ITGB1: variants seen among roughly 807,000 people sequenced by gnomAD.
ITGB1 encodes the protein integrin subunit beta 1.
In ITGB1, 24 loss-of-function variants were observed where a neutral mutation model predicts 86.5. That is an observed-to-expected ratio of 0.28 (90% confidence interval 0.20 to 0.39). The LOEUF is 0.39. Among genes scored for constraint, ITGB1 ranks in the 10% least tolerant of loss-of-function variants. The pLI is 1.00. For missense variants in ITGB1, 556 were observed against 946.9 expected (o/e 0.59, Z 5.42); for synonymous variants, 323 against 316.8 (o/e 1.02, Z -0.21).
intron 1 of ITGB1, among the ~76,000 whole-genome samples, chr10:32,949,804 T>C (rs969224948): frequency 5.9e-5 from 9 of 152,194 alleles, no homozygotes; most frequent in Admixed American, 4.6e-4. Context: ...TACACACTCA[T>C]TATTTATTAA....
intron 2 of ITGB1, among the ~76,000 whole-genome samples, chr10:32,934,267 G>T (rs932157672): frequency 6.6e-6 from 1 of 152,052 alleles, no homozygotes; most frequent in Non-Finnish European, 1.5e-5. Flanking sequence ...TACTGAACAT[G>T]TACATACTTT....
chr10:32,907,222 C>CT (rs578057365), intron 15 of ITGB1: 228 of 437,380 alleles, frequency 5.2e-4, no homozygotes, highest in South Asian at 1.2e-3. Flanking sequence ...CTATAAATGT[C>CT]TTTTTTTTTA....
intron 5 of ITGB1, among the ~76,000 whole-genome samples, chr10:32,926,818 A>G (rs541945868): frequency 3.9e-4 from 59 of 152,220 alleles, no homozygotes; most frequent in Admixed American, 9.2e-4. Flanking sequence ...ATGTGAGTAC[A>G]TCGCAAGAAG....
chr10:32,914,726 A>G lies in ITGB1; in HGVS notation c.1470-2602T>C, dbSNP rs368956542. On this transcript the variant is annotated intron_variant, in intron 11 of 15. Coordinates refer to ENST00000302278, the MANE Select transcript of ITGB1 (RefSeq NM_002211.4). ...CACACAATAATAATGGGAGACTTTA[A>G]CACCACATTGTCAACATTAGACAGA... 3.9e-5 allele frequency among the ~76,000 whole-genome samples: 6 copies of G among 152,290 alleles called. No individual in the cohort carries two copies. The East Asian group carries it at 1.2e-3, about 29-fold the overall frequency.
rs1284172663 is a variant in ITGB1, at chr10:32,911,613, G to A, written c.1766C>T (p.Ala589Val). 1.9e-6 allele frequency: 3 copies of A among 1,614,144 alleles called. No individual in the cohort carries two copies. In the South Asian group the frequency reaches 3.3e-5, roughly 18 times the overall value. Residue 589 changes from alanine (A) to valine (V), a missense_variant, in exon 13 of 16, where the codon GCA becomes GTA. Physicochemically the swap from Ala to Val is moderately conservative, Grantham distance 64. This residue lies in a region of ITGB1 where 330 missense variants were observed against 531.5 expected (regional missense o/e 0.62). Transcript: ENST00000302278. ...ACTAGTATCCAAAGAACAGTCACAT[G>A]CACTGCCAGTGTAGTTGGGGTTGCA... ...CECNPNYTGS[A>V]CDCSLDTSTC...
Position 32,911,589 on chromosome 10 carries a change from C to T in ITGB1, c.1790G>A (p.Ser597Asn). The T allele has an allele frequency of 6.2e-7, 1 of 1,614,160 alleles. No individual in the cohort carries two copies. Among genetic ancestry groups the T allele is most frequent in the East Asian group, 2.2e-5 (1 of 44,882 alleles). ...CTGTCCGTTGCTGGCTTCACAAGTA[C>T]TAGTATCCAAAGAACAGTCACATGC... is the stretch of plus-strand genomic sequence containing the variant. ...GSACDCSLDT[S>N]TCEASNGQIC... Residue 597 changes from serine to asparagine, a missense_variant, in exon 13 of 16, where the codon AGT (serine) becomes AAT (asparagine). Physicochemically the swap from Ser to Asn is conservative, Grantham distance 46. This residue lies in a region of ITGB1 where 330 missense variants were observed against 531.5 expected (regional missense o/e 0.62). Coordinates refer to ENST00000302278, the MANE Select transcript of ITGB1 (RefSeq NM_002211.4).
At chr10:32,933,966 A>G (rs1290522128) in intron 2 of ITGB1, among the ~76,000 whole-genome samples, 1 of 152,192 alleles carries the variant, frequency 6.6e-6, no homozygotes, top group Non-Finnish European at 1.5e-5. Flanking sequence ...ATGCTTGCTC[A>G]CATGCACATA....
intron 1 of ITGB1, among the ~76,000 whole-genome samples, chr10:32,947,118 C>G (rs1299693014): frequency 6.6e-6 from 1 of 152,112 alleles, no homozygotes; most frequent in Non-Finnish European, 1.5e-5. Context: ...GGTGGGATTA[C>G]AGTCATGAGG....
Position 32,944,827 on chromosome 10 carries a change from G to A in ITGB1, c.1-9269C>T, listed in dbSNP as rs2095027473. ...TTGAATTCAACCCTCCCAAAACTGT[G>A]GGCACTGATGATCTGACTGGGGATC... On this transcript the variant is annotated intron_variant, in intron 1 of 15. Coordinates refer to ENST00000302278, the MANE Select transcript of ITGB1 (RefSeq NM_002211.4). 3 of 995,768 alleles carry A rather than the reference G, an allele frequency of 3.0e-6. No individual in the cohort carries two copies. In the South Asian group the frequency reaches 3.8e-5, roughly 13 times the overall value. 61.7% of individuals were successfully genotyped at this position (995,768 alleles called of 1,614,324 possible).
intron 1 of ITGB1, among the ~76,000 whole-genome samples, chr10:32,948,831 A>G (rs11817904): frequency 2.6e-5 from 4 of 152,200 alleles, no homozygotes; most frequent in Admixed American, 1.3e-4. Context: ...TTATAGCAGC[A>G]CAAAGACTAA....
chr10:32,926,922 T>C (rs2094966861), intron 5 of ITGB1, among the ~76,000 whole-genome samples: 2 of 149,856 alleles, frequency 1.3e-5, no homozygotes, highest in African/African-American at 4.9e-5. Flanking sequence ...GAAATAAATT[T>C]CTGTTGTTCA....
At chr10:32,947,569 A>G (rs1463434435) in intron 1 of ITGB1, among the ~76,000 whole-genome samples, 1 of 152,158 alleles carries the variant, frequency 6.6e-6, no homozygotes, top group Non-Finnish European at 1.5e-5. Flanking sequence ...CTAATGATGT[A>G]CATGGTTGAC....
At chr10:32,921,561 G>T (rs1248654513) in intron 9 of ITGB1, among the ~76,000 whole-genome samples, 1 of 151,892 alleles carries the variant, frequency 6.6e-6, no homozygotes, top group East Asian at 1.9e-4. Flanking sequence ...GACACACAAG[G>T]GTTACCTACC....
intron 15 of ITGB1, among the ~76,000 whole-genome samples, chr10:32,902,109 C>T (rs559242396): frequency 4.7e-4 from 71 of 152,262 alleles, no homozygotes; most frequent in African/African-American, 1.6e-3. Context: ...GGGTCTCCTA[C>T]GGAAGTTACT....
intron 1 of ITGB1, among the ~76,000 whole-genome samples, chr10:32,949,607 T>C (rs1009143305): frequency 1.3e-5 from 2 of 152,160 alleles, no homozygotes; most frequent in Admixed American, 6.5e-5. Flanking sequence ...ATCTAAGGGG[T>C]CATAATTCAT....
At chr10:32,930,489 T>C (rs540910902) in intron 3 of ITGB1, among the ~76,000 whole-genome samples, 1 of 152,170 alleles carries the variant, frequency 6.6e-6, no homozygotes, top group African/African-American at 2.4e-5. Context: ...CAACCCGATG[T>C]TTAGGGAAAA....
At chr10:32,957,232 T>C (rs1466098499) in intron 1 of ITGB1, among the ~76,000 whole-genome samples, 1 of 152,192 alleles carries the variant, frequency 6.6e-6, no homozygotes, top group African/African-American at 2.4e-5. Flanking sequence ...TTACTAATGA[T>C]CATACCAATG....
At chr10:32,948,649 T>C (rs1181737462) in intron 1 of ITGB1, among the ~76,000 whole-genome samples, 2 of 152,134 alleles carry the variant, frequency 1.3e-5, no homozygotes, top group African/African-American at 4.8e-5. Context: ...GAGTGGAGAA[T>C]GGGTTCCAGA....
At chr10:32,913,857 A>G (rs2094922294) in intron 11 of ITGB1, among the ~76,000 whole-genome samples, 1 of 152,198 alleles carries the variant, frequency 6.6e-6, no homozygotes, top group African/African-American at 2.4e-5. Context: ...TCCAAGACAC[A>G]TGATTGTCAG....
Sources: gnomAD v4.1 joint callset for allele counts (sites outside exome capture counted in the v4.1 genomes callset) on GRCh38, gnomAD v4.1.1 for gene constraint, gnomAD v4.1.1 regional missense constraint, MANE v1.5 for transcripts, NCBI Gene and HGNC (gene_info 2026-07-23, HGNC 2026-07-21) for gene names.